LHFPL3: variants seen among roughly 807,000 people sequenced by gnomAD.
LHFPL3 encodes LHFPL tetraspan subfamily member 3 protein.
In LHFPL3, 5 loss-of-function variants were observed where a neutral mutation model predicts 19.3. That is an observed-to-expected ratio of 0.26 (90% CI 0.14 to 0.54). The LOEUF is 0.54. Among genes scored for constraint, LHFPL3 ranks in the 20% least tolerant of loss-of-function variants. The probability of loss-of-function intolerance (pLI) is 0.94; values close to 1 mark genes in which losing one functional copy is unlikely to be tolerated. For missense variants in LHFPL3, 249 were observed against 307.4 expected (o/e 0.81, Z 1.42); for synonymous variants, 133 against 126.2 (o/e 1.05, Z -0.36).
intron 1 of LHFPL3, among the ~76,000 whole-genome samples, chr7:104,477,465 A>G (rs1793043726): frequency 1.3e-5 from 2 of 152,204 alleles, no homozygotes; most frequent in African/African-American, 4.8e-5. Context: ...GAGGATAATC[A>G]TTAATCAAAT....
At chr7:104,450,227 T>G (rs1792407209) in intron 1 of LHFPL3, among the ~76,000 whole-genome samples, 1 of 152,156 alleles carries the variant, frequency 6.6e-6, no homozygotes, top group Non-Finnish European at 1.5e-5. Flanking sequence ...ATTGTTTTGC[T>G]TATGGAGCTT....
intron 1 of LHFPL3, among the ~76,000 whole-genome samples, chr7:104,448,312 A>G (rs1055928582): frequency 1.3e-5 from 2 of 152,202 alleles, no homozygotes; most frequent in Non-Finnish European, 2.9e-5. Context: ...AGAGTTAGAA[A>G]TAACTGTAGC....
chr7:104,689,061 G>A (rs994952036), intron 1 of LHFPL3, among the ~76,000 whole-genome samples: 4 of 152,190 alleles, frequency 2.6e-5, no homozygotes, highest in African/African-American at 9.7e-5. Context: ...CCAGCTGGGA[G>A]GGTCCAGAAG....
intron 2 of LHFPL3, among the ~76,000 whole-genome samples, chr7:104,752,287 A>G (rs1230087046): frequency 6.6e-6 from 1 of 152,162 alleles, no homozygotes; most frequent in African/African-American, 2.4e-5. Context: ...CATATTCGCA[A>G]TGTAAACCTT....
At chr7:104,811,146 TTC>T (rs1790457984) in intron 2 of LHFPL3, among the ~76,000 whole-genome samples, 1 of 15,464 alleles carries the variant, frequency 6.5e-5, no homozygotes. Flanking sequence ...CTTCCTTTCT[TTC>T]TTTTTCTTTC....
intron 2 of LHFPL3, among the ~76,000 whole-genome samples, chr7:104,839,710 T>C (rs1455434592): frequency 3.3e-5 from 5 of 151,880 alleles, no homozygotes; most frequent in African/African-American, 9.7e-5. Context: ...AAATTAACAT[T>C]TCTGGCTGTC....
intron 1 of LHFPL3, among the ~76,000 whole-genome samples, chr7:104,512,058 G>A (rs530455757): frequency 1.5e-4 from 22 of 149,494 alleles, no homozygotes; most frequent in African/African-American, 4.9e-4. Flanking sequence ...AGGTTCAAGC[G>A]ATTCTCATAC....
intron 1 of LHFPL3, among the ~76,000 whole-genome samples, chr7:104,346,572 A>G (rs1035933983): frequency 6.6e-6 from 1 of 152,142 alleles, no homozygotes; most frequent in African/African-American, 2.4e-5. Flanking sequence ...TGAATCTCTC[A>G]TACTGGGTTA....
chr7:104,883,248 ATAACATTC>A (rs59724166), intron 2 of LHFPL3, among the ~76,000 whole-genome samples: 3,478 of 152,310 alleles, frequency 0.023, 134 homozygotes, highest in African/African-American at 0.08. Context: ...ATCTCTTTTC[ATAACATTC>A]TAACGTTCCC....
intron 2 of LHFPL3, among the ~76,000 whole-genome samples, chr7:104,795,507 A>G (rs1790107117): frequency 6.6e-6 from 1 of 152,220 alleles, no homozygotes; most frequent in East Asian, 1.9e-4. Flanking sequence ...GCATGACTTG[A>G]AAAAATGAGC....
Position 104,553,767 on chromosome 7 carries a change from A to G in LHFPL3, c.446-182908A>G, listed in dbSNP as rs558615684. Among the ~76,000 whole-genome samples, 4 of 152,292 alleles carry G rather than the reference A, an allele frequency of 2.6e-5. No homozygotes were observed. The South Asian group carries it at 8.3e-4, about 32-fold the overall frequency. ...GCAAGTCCCCTCTTTTGCCATACTAACATCCCAGCTGTTATTGACATTTCA... is the reference window on the plus strand; with the variant it reads ...GCAAGTCCCCTCTTTTGCCATACTAGCATCCCAGCTGTTATTGACATTTCA... On this transcript the variant is annotated intron_variant, in intron 1 of 2. Transcript: ENST00000424859.
intron 1 of LHFPL3, among the ~76,000 whole-genome samples, chr7:104,417,516 A>G (rs991850894): frequency 6.6e-6 from 1 of 152,072 alleles, no homozygotes; most frequent in African/African-American, 2.4e-5. Flanking sequence ...TATACTTTCC[A>G]TTTCTTCTGG....
chr7:104,491,287 C>T (rs1051047397), intron 1 of LHFPL3, among the ~76,000 whole-genome samples: 43 of 152,190 alleles, frequency 2.8e-4, no homozygotes, highest in African/African-American at 1.0e-3. Flanking sequence ...AAAATGATAA[C>T]TTTTGGGCAA....
intron 2 of LHFPL3, among the ~76,000 whole-genome samples, chr7:104,759,285 A>G (rs1794335636): frequency 6.6e-6 from 1 of 152,128 alleles, no homozygotes; most frequent in Admixed American, 6.5e-5. Context: ...AGGAGTGGAC[A>G]TTATTAATAA....
chr7:104,358,558 C>T (rs1020767154), intron 1 of LHFPL3, among the ~76,000 whole-genome samples: 2 of 152,154 alleles, frequency 1.3e-5, no homozygotes, highest in Non-Finnish European at 2.9e-5. Flanking sequence ...CAGCTTATAA[C>T]GTGAGAGCAT....
At chr7:104,872,348 A>G (rs951287842) in intron 2 of LHFPL3, among the ~76,000 whole-genome samples, 1 of 151,850 alleles carries the variant, frequency 6.6e-6, no homozygotes, top group African/African-American at 2.4e-5. Flanking sequence ...AACAAAAAAA[A>G]AAAAGTAAGA....
chr7:104,356,678 G>T (rs530192822), intron 1 of LHFPL3, among the ~76,000 whole-genome samples: 1 of 152,296 alleles, frequency 6.6e-6, no homozygotes, highest in Non-Finnish European at 1.5e-5. Flanking sequence ...ATTCAGTTCA[G>T]CAAACAGTCT....
At chr7:104,547,764 G>T (rs538965523) in intron 1 of LHFPL3, among the ~76,000 whole-genome samples, 1 of 152,080 alleles carries the variant, frequency 6.6e-6, no homozygotes, top group Non-Finnish European at 1.5e-5. Flanking sequence ...ATGAAATAGA[G>T]ATGTATGCTC....
intron 2 of LHFPL3, among the ~76,000 whole-genome samples, chr7:104,810,807 G>A (rs1790451408): frequency 6.6e-6 from 1 of 152,242 alleles, no homozygotes. Flanking sequence ...GTAGGCAGAA[G>A]TAGGTCAGAG....
Sources: allele counts gnomAD v4.1 joint callset (sites outside exome capture counted in the v4.1 genomes callset), GRCh38; gene constraint gnomAD v4.1.1; transcripts MANE v1.5; gene names NCBI Gene and HGNC (gene_info 2026-07-23, HGNC 2026-07-21).